The following GARNL3 variants were observed in gnomAD, a reference collection of about 807,000 sequenced individuals.
GARNL3 encodes GTPase-activating Rap/Ran-GAP domain-like protein 3.
Under a neutral mutation model 125.0 loss-of-function variants are expected in GARNL3, and 63 were observed. That is an observed-to-expected ratio of 0.50 (90% CI 0.41 to 0.62). GARNL3 has a LOEUF of 0.62. GARNL3 is among the 20% of genes least tolerant of loss of function. The pLI, the probability that GARNL3 is intolerant of heterozygous loss-of-function variation, is 0.00. For missense variants in GARNL3, 994 were observed against 1,244.0 expected (o/e 0.80, Z 3.02); for synonymous variants, 439 against 457.5 (o/e 0.96, Z 0.52).
At position 127,303,438 on chromosome 9, in the gene GARNL3, G is replaced by C. The variant is rs566966514; in HGVS notation, c.220-8198G>C. Among the ~76,000 whole-genome samples, 5 of 152,220 alleles carry C rather than the reference G, an allele frequency of 3.3e-5. No homozygotes were observed. The South Asian group carries it at 1.0e-3, about 32-fold the overall frequency. On this transcript the variant is annotated intron_variant, in intron 2 of 27. Coordinates refer to ENST00000373387, the MANE Select transcript of GARNL3 (RefSeq NM_032293.5). ...TATTAGAGGGAAAAGAAGTAGGTTG[G>C]GTCATGGAGGATGGGGGAAAGAAAA...
chr9:127,232,065 A>T (rs2063028475), intron 1 of GARNL3, among the ~76,000 whole-genome samples: 1 of 152,214 alleles, frequency 6.6e-6, no homozygotes, highest in Non-Finnish European at 1.5e-5. Context: ...CCACCACTTC[A>T]TAAAGCAAGC....
chr9:127,249,794 G>A (rs1388336062), intron 2 of GARNL3, among the ~76,000 whole-genome samples: 1 of 152,032 alleles, frequency 6.6e-6, no homozygotes, highest in Non-Finnish European at 1.5e-5. Context: ...GATCACCTGA[G>A]GTCAGGAGTT....
chr9:127,369,696 G>A (rs912340176), intron 22 of GARNL3, among the ~76,000 whole-genome samples: 1 of 152,254 alleles, frequency 6.6e-6, no homozygotes, highest in Non-Finnish European at 1.5e-5. Context: ...GAGGCGGTGG[G>A]AGAAGAGAAA....
At chr9:127,366,679 G>T (rs1831302985) in intron 22 of GARNL3, 1 of 152,212 alleles carries the variant, frequency 6.6e-6, no homozygotes, top group Non-Finnish European at 1.5e-5. Context: ...AGAACAGAAA[G>T]ATAGAGCAGG....
In GARNL3 at chr9:127,338,155, A is replaced by G. The variant is rs530093934; in HGVS notation, c.1022A>G (p.Asn341Ser). The G allele has an allele frequency of 1.1e-4, 172 of 1,609,438 alleles. 2 individuals carry two copies. The South Asian group carries it at 1.6e-3, about 15-fold the overall frequency. ...GTGAGATACAATCAACAAAATGACA[A>G]TTACAGGTAGGTAATGACTTTGTCT... Reference protein sequence around the residue: ...ALVRYNQQNDNYRLKIFSEES... With the variant: ...ALVRYNQQNDSYRLKIFSEES... The change falls in exon 12 of 28, where the codon AAT (asparagine) becomes AGT (serine). Residue 341 changes from asparagine to serine, a missense_variant. This residue lies in a region of GARNL3 where 728 missense variants were observed against 865.7 expected (regional missense o/e 0.84). Transcript: ENST00000373387.
At chr9:127,292,567 A>C (rs1315689921) in intron 2 of GARNL3, among the ~76,000 whole-genome samples, 4 of 152,174 alleles carry the variant, frequency 2.6e-5, no homozygotes, top group Non-Finnish European at 2.9e-5. Context: ...ATTTTGCAGA[A>C]CTTCAGCCCA....
rs1195548740 is a variant in GARNL3 at position 127,393,495 on chromosome 9, G to A, written c.*241G>A. On this transcript the variant is annotated 3_prime_UTR_variant, in exon 28 of 28. Coordinates refer to ENST00000373387, the MANE Select transcript of GARNL3 (RefSeq NM_032293.5). ...TAATAAAGGTGGTAGATTTCATTGA[G>A]GTTTTAGATTGAAACTTTGAATAAA... 9.5e-6 allele frequency: 3 copies of A among 316,580 alleles called. No homozygotes were observed. Among genetic ancestry groups the A allele is most frequent in the East Asian group, 5.0e-5 (1 of 20,036 alleles). The allele number at this position is 316,580 out of a possible 1,614,324, so 19.6% of individuals were successfully genotyped here.
chr9:127,346,507 A>G (rs1400955438), intron 16 of GARNL3, among the ~76,000 whole-genome samples: 1 of 152,154 alleles, frequency 6.6e-6, no homozygotes, highest in Admixed American at 6.5e-5. Context: ...GCTTGTTCCC[A>G]TGCACAGTAG....
chr9:127,308,730 T>G (rs2065020160), intron 2 of GARNL3, among the ~76,000 whole-genome samples: 2 of 152,206 alleles, frequency 1.3e-5, no homozygotes, highest in Admixed American at 6.5e-5. Context: ...GGCATCAATG[T>G]TAGACTTAGA....
At chr9:127,347,550 C>T (rs1277928589) in intron 16 of GARNL3, among the ~76,000 whole-genome samples, 1 of 152,156 alleles carries the variant, frequency 6.6e-6, no homozygotes, top group Admixed American at 6.5e-5. Context: ...GGGGGAAGAA[C>T]TTCTTTCTGC....
chr9:127,390,901 C>T (rs922936611), intron 27 of GARNL3, 134 bp downstream of exon 27: 2 of 879,962 alleles, frequency 2.3e-6, no homozygotes, highest in Admixed American at 5.6e-5. Flanking sequence ...GCAGCCTGTT[C>T]CTCTCTGAGG....
chr9:127,226,760 T>C (rs1436581947), intron 1 of GARNL3, among the ~76,000 whole-genome samples: 1 of 152,196 alleles, frequency 6.6e-6, no homozygotes, highest in Non-Finnish European at 1.5e-5. Context: ...AGGTAGTATG[T>C]CTCCCCCACT....
intron 2 of GARNL3, among the ~76,000 whole-genome samples, chr9:127,309,258 A>T (rs2065033389): frequency 6.6e-6 from 1 of 152,216 alleles, no homozygotes; most frequent in Non-Finnish European, 1.5e-5. Flanking sequence ...ACTACTTATT[A>T]TCTCTGTAGC....
intron 17 of GARNL3, among the ~76,000 whole-genome samples, chr9:127,351,371 G>C (rs1830415516): frequency 6.6e-6 from 1 of 152,036 alleles, no homozygotes; most frequent in South Asian, 2.1e-4. Flanking sequence ...GCCTTCAACA[G>C]GATGGTGGGT....
At chr9:127,353,481 CT>C (rs61634410) in intron 17 of GARNL3, 3,450 of 144,904 alleles carry the variant, frequency 0.024, 62 homozygotes, top group East Asian at 0.17. Context: ...AATGGCTGCT[CT>C]TTTTTTTTTT....
At chr9:127,351,073 G>A (rs916689979) in intron 17 of GARNL3, among the ~76,000 whole-genome samples, 14 of 152,060 alleles carry the variant, frequency 9.2e-5, no homozygotes, top group African/African-American at 3.1e-4. Context: ...ATATAGCCCT[G>A]GGCAAATAAT....
intron 1 of GARNL3, among the ~76,000 whole-genome samples, chr9:127,230,648 C>A (rs1285731246): frequency 2.0e-5 from 3 of 147,400 alleles, no homozygotes; most frequent in Non-Finnish European, 4.5e-5. Context: ...AGTGAAACTC[C>A]ATCTCACCAA....
intron 1 of GARNL3, among the ~76,000 whole-genome samples, chr9:127,270,229 A>T (rs899621249): frequency 2.0e-5 from 3 of 152,164 alleles, no homozygotes; most frequent in Admixed American, 6.5e-5. Context: ...AAATCAATTG[A>T]CTATAGATGT....
intron 1 of GARNL3, among the ~76,000 whole-genome samples, chr9:127,282,732 A>C (rs1298195921): frequency 6.6e-6 from 1 of 152,226 alleles, no homozygotes; most frequent in East Asian, 1.9e-4. Context: ...CCAAGTACAC[A>C]GTGCATGCTG....
Sources: allele counts gnomAD v4.1 joint callset (sites outside exome capture counted in the v4.1 genomes callset), GRCh38; gene constraint gnomAD v4.1.1; regional missense constraint gnomAD v4.1.1; transcripts MANE v1.5; gene names NCBI Gene and HGNC (gene_info 2026-07-23, HGNC 2026-07-21).